Variants in LLGL2 observed in about 807,000 individuals in gnomAD.
LLGL2 encodes LLGL scribble cell polarity complex component 2, also known as LLGL2, scribble cell polarity complex component.
Under a neutral mutation model 123.2 loss-of-function variants are expected in LLGL2, and 81 were observed. The ratio of observed to expected loss-of-function variants is 0.66; its 90% CI spans 0.55 to 0.79. LLGL2 has a LOEUF of 0.79. LLGL2 is among the 30% of genes least tolerant of loss of function. The pLI is 0.00. For synonymous variants in LLGL2, 577 were observed against 594.1 expected (o/e 0.97, Z 0.42); for missense variants, 1,273 against 1,414.6 (o/e 0.90, Z 1.61).
At chr17:75,550,208 C>G (rs541992118) in intron 2 of LLGL2, among the ~76,000 whole-genome samples, 2 of 152,364 alleles carry the variant, frequency 1.3e-5, no homozygotes, top group African/African-American at 4.8e-5. Context: ...CCGTCCCGCC[C>G]TCTGTCCTGA....
Position 75,569,119 on chromosome 17 carries a change from C to T in LLGL2, c.1464C>T (p.Pro488=), listed in dbSNP as rs35991442. 4,220 of 1,613,436 alleles carry T rather than the reference C, an allele frequency of 2.6e-3. 114 individuals are homozygous for T. In the African/African-American group the frequency reaches 0.049, roughly 19 times the overall value. ...GTGCCCAGGGCGAGGACGAGTGGCC[C>T]CCACTCCGCAAGGTGAGGCCAGGAG... ...NFSAQGEDEW[P]PLRKVGSFDP... Residue 488 remains proline, a synonymous_variant, in exon 13 of 26, where the codon CCC becomes CCT. Coordinates refer to ENST00000392550, the MANE Select transcript of LLGL2 (RefSeq NM_001031803.2).
intron 10 of LLGL2, among the ~76,000 whole-genome samples, chr17:75,565,205 T>C (rs1453432500): frequency 6.6e-6 from 1 of 152,112 alleles, no homozygotes; most frequent in Non-Finnish European, 1.5e-5. Context: ...CTCCTGGAGC[T>C]CCAGCAGGAC....
rs73998338 is a variant in LLGL2 at position 75,574,531 on chromosome 17, A to C, written c.2996+36A>C. The stretch of plus-strand genomic sequence containing the variant: ...GCCCAGGCCAGCTGGGGTGGGCCCG[A>C]GGCTCTGCCAGAGGGCTCAGGGGAG... On this transcript the variant is annotated intron_variant, in intron 24 of 25. Coordinates refer to ENST00000392550, the MANE Select transcript of LLGL2 (RefSeq NM_001031803.2). 1,764 of 1,579,012 alleles carry C rather than the reference A, an allele frequency of 1.1e-3. 25 individuals are homozygous for C. In the African/African-American group the frequency reaches 0.021, roughly 18 times the overall value.
intron 1 of LLGL2, chr17:75,542,932 G>A (rs2054272172): frequency 1.3e-5 from 2 of 152,422 alleles, no homozygotes; most frequent in Admixed American, 6.5e-5. Context: ...AGTCACTGCA[G>A]GCCTCTCCCC....
chr17:75,545,204 C>G (rs953738004), intron 2 of LLGL2, among the ~76,000 whole-genome samples: 3 of 152,132 alleles, frequency 2.0e-5, no homozygotes, highest in African/African-American at 7.2e-5. Context: ...CTTCTTTCCC[C>G]TATCCCCCAG....
chr17:75,541,320 G>T (rs944010139), intron 1 of LLGL2, among the ~76,000 whole-genome samples: 1 of 152,348 alleles, frequency 6.6e-6, no homozygotes, highest in East Asian at 1.9e-4. Context: ...CCTGGGCCCC[G>T]GGTGGGGGTG....
intron 1 of LLGL2, among the ~76,000 whole-genome samples, chr17:75,533,471 A>G (rs1358262231): frequency 3.3e-5 from 5 of 150,400 alleles, no homozygotes; most frequent in African/African-American, 1.2e-4. Context: ...TGCCCAGCTA[A>G]TTTTTTGTAT....
intron 16 of LLGL2, 63 bp downstream of exon 16, chr17:75,570,561 G>T: frequency 6.6e-7 from 1 of 1,523,900 alleles, no homozygotes; most frequent in Non-Finnish European, 8.8e-7. Flanking sequence ...GCAGCCAGCA[G>T]GGGGGCCACA....
At chr17:75,530,623 C>T (rs541739454) in intron 1 of LLGL2, among the ~76,000 whole-genome samples, 17 of 145,518 alleles carry the variant, frequency 1.2e-4, no homozygotes, top group Non-Finnish European at 1.8e-4. Flanking sequence ...GCACTCCAGC[C>T]TGGGCGACAG....
chr17:75,571,614 T>C lies in LLGL2; in HGVS notation c.2177-53T>C, dbSNP rs1216629710. 6 of 1,386,482 alleles carry C rather than the reference T, an allele frequency of 4.3e-6. No homozygotes were observed. The African/African-American group carries it at 7.1e-5, about 16-fold the overall frequency. 85.9% of individuals were successfully genotyped at this position (1,386,482 alleles called of 1,614,324 possible). A position where few individuals can be genotyped will look rare whatever the true frequency, so the allele number is the denominator to read the frequency against. Reference sequence around the variant, plus strand: ...TGGGAGTAAACCCTGGTTGCCCAGCTCCACCCGACTCCCACGCTAAGGGTC... The same window carrying C: ...TGGGAGTAAACCCTGGTTGCCCAGCCCCACCCGACTCCCACGCTAAGGGTC... On this transcript the variant is annotated intron_variant, in intron 17 of 25. Transcript: ENST00000392550.
chr17:75,552,459 A>C (rs1192594142), intron 2 of LLGL2, among the ~76,000 whole-genome samples: 1 of 152,258 alleles, frequency 6.6e-6, no homozygotes, highest in Non-Finnish European at 1.5e-5. Context: ...ACTGCACTCC[A>C]GGCGTGACAG....
At position 75,563,462 on chromosome 17, in the gene LLGL2, C is replaced by G; in HGVS notation, c.825C>G (p.Tyr275Ter). ...QPEPLRSLVP[Y>*]GPFPCKAITR... ...AGCCCCTCCGCAGCCTCGTGCCTTA[C>G]GGTCAGTGTTTCACCCGCCGGGCAG... is the stretch of plus-strand genomic sequence containing the variant. Residue 275 changes from tyrosine to a stop codon, truncating the protein, a stop_gained and splice_region_variant, in exon 8 of 26, where the codon TAC (tyrosine) becomes TAG (stop). Transcript: ENST00000392550. LOFTEE classifies it high-confidence loss of function. The G allele has an allele frequency of 1.9e-6, 3 of 1,612,312 alleles. No individual in the cohort carries two copies. The highest frequency in any genetic ancestry group is 1.7e-6 in the Non-Finnish European group (2 of 1,179,928).
chr17:75,574,195 C>T lies in LLGL2; in HGVS notation c.2906-18C>T, dbSNP rs1457864017. ...GAGGGCCCAGGCGGGGCGCCCTGAC[C>T]CGGCCTCTACCTTCCAGAGAAGCAG... is the stretch of plus-strand genomic sequence containing the variant. On this transcript the variant is annotated intron_variant, in intron 22 of 25. Coordinates refer to ENST00000392550, the MANE Select transcript of LLGL2 (RefSeq NM_001031803.2). The T allele has an allele frequency of 7.9e-6, 12 of 1,525,510 alleles. No individual in the cohort carries two copies. In the East Asian group the frequency reaches 2.9e-4, roughly 37 times the overall value. The allele number at this position is 1,525,510 out of a possible 1,614,324, so 94.5% of individuals were successfully genotyped here.
intron 2 of LLGL2, among the ~76,000 whole-genome samples, chr17:75,554,603 A>AGT (rs1219186461): frequency 6.6e-6 from 1 of 151,388 alleles, no homozygotes; most frequent in Admixed American, 6.6e-5. Context: ...TGGGCAACAG[A>AGT]GTGAGACCCT....
chr17:75,548,186 A>G (rs1170995156), intron 2 of LLGL2, among the ~76,000 whole-genome samples: 2 of 152,046 alleles, frequency 1.3e-5, no homozygotes, highest in Non-Finnish European at 2.9e-5. Context: ...ATTCGCAATC[A>G]TTTTAGATGA....
intron 1 of LLGL2, among the ~76,000 whole-genome samples, chr17:75,533,296 G>GC (rs2053876732): frequency 1.6e-5 from 2 of 124,788 alleles, no homozygotes; most frequent in Non-Finnish European, 3.3e-5. Flanking sequence ...ACCGCACCTG[G>GC]CCCTTTTTTT....
rs1441065838 is a variant in LLGL2 at position 75,558,549 on chromosome 17, A to T, written c.293A>T (p.His98Leu). ...LVTLLDDNSLHLWSLKVKGGA... is the reference protein window; with the variant it reads ...LVTLLDDNSLLLWSLKVKGGA... ...ACCCTGCTGGATGACAACAGCCTGC[A>T]CCTTTGGAGCCTGAAGGTCAAGGGC... The change falls in exon 5 of 26, where the codon CAC (histidine) becomes CTC (leucine). Residue 98 changes from histidine (H) to leucine (L), a missense_variant. Transcript: ENST00000392550. This position sits in a 1 kb window ranked among gnomAD's most constrained non-coding sequence, Gnocchi z 4.0. 2 of 1,610,004 alleles carry T rather than the reference A, an allele frequency of 1.2e-6. No homozygotes were observed. Among genetic ancestry groups the T allele is most frequent in the Admixed American group, 3.4e-5 (2 of 59,672 alleles).
intron 1 of LLGL2, among the ~76,000 whole-genome samples, chr17:75,531,393 C>T (rs966633977): frequency 9.9e-5 from 15 of 152,216 alleles, no homozygotes; most frequent in Admixed American, 3.3e-4. Flanking sequence ...GAGTCAAAAG[C>T]AGCTGTTGAG....
chr17:75,531,848 A>T (rs8070866), intron 1 of LLGL2, among the ~76,000 whole-genome samples: 9,107 of 152,044 alleles, frequency 0.06, 866 homozygotes, highest in African/African-American at 0.2. Flanking sequence ...TCTTCTTCCC[A>T]GGAACCACAG....
Sources: gnomAD v4.1 joint callset for allele counts (sites outside exome capture counted in the v4.1 genomes callset) on GRCh38, gnomAD v4.1.1 for gene constraint, Gnocchi (gnomAD v3.1) non-coding constraint, MANE v1.5 for transcripts, NCBI Gene and HGNC (gene_info 2026-07-23, HGNC 2026-07-21) for gene names.